The following TNNI3K variants were observed in gnomAD, a reference collection of about 807,000 sequenced individuals.
TNNI3K encodes TNNI3 interacting kinase.
Under a neutral mutation model 114.5 loss-of-function variants are expected in TNNI3K, and 140 were observed. The observed-to-expected ratio is 1.22, with a 90% CI of 1.07 to 1.41. TNNI3K has a LOEUF of 1.41. Among genes scored for constraint, TNNI3K ranks in the 40% most tolerant of loss-of-function variants. TNNI3K has a pLI of 0.00. For synonymous variants in TNNI3K, 347 were observed against 347.5 expected (o/e 1.00, Z 0.02); for missense variants, 1,125 against 1,007.6 (o/e 1.12, Z -1.58).
intron 5 of TNNI3K, among the ~76,000 whole-genome samples, chr1:74,319,225 A>C (rs1659478163): frequency 6.6e-6 from 1 of 152,186 alleles, no homozygotes; most frequent in African/African-American, 2.4e-5. Flanking sequence ...ACTTGCTGCT[A>C]TCCAGAGGCA....
chr1:74,398,751 A>C (rs1306607629), intron 17 of TNNI3K, among the ~76,000 whole-genome samples: 1 of 152,172 alleles, frequency 6.6e-6, no homozygotes, highest in Non-Finnish European at 1.5e-5. Flanking sequence ...GCTAAGAGGA[A>C]TTATGGAAGG....
At chr1:74,452,310 T>A (rs1450443710) in intron 20 of TNNI3K, among the ~76,000 whole-genome samples, 1 of 152,168 alleles carries the variant, frequency 6.6e-6, no homozygotes, top group African/African-American at 2.4e-5. Flanking sequence ...TCTCTGTAAC[T>A]GTAAGGTGCA....
At chr1:74,310,283 C>G (rs567777027) in intron 5 of TNNI3K, among the ~76,000 whole-genome samples, 1 of 152,214 alleles carries the variant, frequency 6.6e-6, no homozygotes, top group South Asian at 2.1e-4. Context: ...AAGATATCTA[C>G]AAGGATAACT....
At position 74,385,490 on chromosome 1, in the gene TNNI3K, A is replaced by G. The variant is rs545588369; in HGVS notation, c.1772+15098A>G. 5.3e-5 allele frequency among the ~76,000 whole-genome samples: 8 copies of G among 152,336 alleles called. No individual in the cohort carries two copies. The South Asian group carries it at 1.4e-3, about 28-fold the overall frequency. On this transcript the variant is annotated intron_variant, in intron 17 of 24. Coordinates refer to ENST00000326637, the MANE Select transcript of TNNI3K (RefSeq NM_015978.3). ...AATGTGAATTGGCACCTTTCCAATCATGAACAAAGGTATTTGTCCTTTTCA... is the reference window on the plus strand; with the variant it reads ...AATGTGAATTGGCACCTTTCCAATCGTGAACAAAGGTATTTGTCCTTTTCA...
At chr1:74,521,398 T>A (rs1045956163) in intron 23 of TNNI3K, among the ~76,000 whole-genome samples, 2 of 152,212 alleles carry the variant, frequency 1.3e-5, no homozygotes, top group South Asian at 4.1e-4. Context: ...ACCTGGCACA[T>A]AGTTACTGTT....
At chr1:74,296,002 G>A (rs1342308629) in intron 5 of TNNI3K, among the ~76,000 whole-genome samples, 3 of 152,032 alleles carry the variant, frequency 2.0e-5, no homozygotes, top group African/African-American at 7.2e-5. Context: ...TGGGCCGGGC[G>A]CCATGGCTCA....
At chr1:74,307,190 G>A (rs1392580377) in intron 5 of TNNI3K, among the ~76,000 whole-genome samples, 1 of 152,098 alleles carries the variant, frequency 6.6e-6, no homozygotes. Context: ...TAAGTACAAA[G>A]CCCACAAACC....
At chr1:74,236,073 A>T (rs748677044) in intron 1 of TNNI3K, 29 bp from the exon 2 acceptor site, 3 of 1,585,220 alleles carry the variant, frequency 1.9e-6, no homozygotes, top group Non-Finnish European at 2.6e-6. Flanking sequence ...CACAACTATG[A>T]ATCAATCTCA....
At chr1:74,415,109 T>A (rs1665055788) in intron 17 of TNNI3K, among the ~76,000 whole-genome samples, 1 of 152,186 alleles carries the variant, frequency 6.6e-6, no homozygotes, top group South Asian at 2.1e-4. Flanking sequence ...ATTTTGTTCC[T>A]GAACACTCTA....
Position 74,489,191 on chromosome 1 carries a change from A to G in TNNI3K, c.2124A>G (p.Gly708=), listed in dbSNP as rs200208779. ...LIRGWNACPE[G]RPEFSEVVMK... ...AAAGTTCTTTTTTCTATTTACAGGG[A>G]AGACCCGAATTTTCTGAAGTTGTCA... The change falls in exon 22 of 25, where the codon GGA becomes GGG. Residue 708 remains glycine, a splice_region_variant and synonymous_variant. Transcript: ENST00000326637. 4.3e-5 allele frequency: 69 copies of G among 1,610,756 alleles called. No homozygotes were observed. The highest frequency in any genetic ancestry group is 5.6e-5 in the Non-Finnish European group (66 of 1,178,654).
chr1:74,378,123 A>G (rs760475692), intron 17 of TNNI3K, among the ~76,000 whole-genome samples: 2 of 152,036 alleles, frequency 1.3e-5, no homozygotes, highest in African/African-American at 2.4e-5. Flanking sequence ...TATACAATGG[A>G]TGCCTTAGGG....
intron 21 of TNNI3K, among the ~76,000 whole-genome samples, chr1:74,465,500 GC>G (rs1667634694): frequency 6.6e-6 from 1 of 152,190 alleles, no homozygotes; most frequent in African/African-American, 2.4e-5. Context: ...TCCCCACACG[GC>G]AGGGCTTGGG....
At chr1:74,408,839 TA>T (rs1325876572) in intron 17 of TNNI3K, among the ~76,000 whole-genome samples, 1 of 152,192 alleles carries the variant, frequency 6.6e-6, no homozygotes, top group African/African-American at 2.4e-5. Flanking sequence ...TTTCATAACG[TA>T]GGTCTGTATA....
At chr1:74,335,299 A>G (rs1038803122) in intron 6 of TNNI3K, among the ~76,000 whole-genome samples, 8 of 152,174 alleles carry the variant, frequency 5.3e-5, no homozygotes, top group African/African-American at 9.6e-5. Flanking sequence ...ATCTAGGACT[A>G]TCTTAAACTG....
intron 5 of TNNI3K, among the ~76,000 whole-genome samples, chr1:74,328,882 T>C (rs928598413): frequency 1.3e-5 from 2 of 152,158 alleles, no homozygotes; most frequent in African/African-American, 4.8e-5. Flanking sequence ...CTTTATGCTA[T>C]ATTTAAAATA....
chr1:74,236,327 C>A, intron 2 of TNNI3K, 117 bp downstream of exon 2: 2 of 831,372 alleles, frequency 2.4e-6, no homozygotes, highest in Non-Finnish European at 3.6e-6. Flanking sequence ...CAGTCATGTT[C>A]TAAGCCTTAG....
At position 74,543,287 on chromosome 1, in the gene TNNI3K, T is replaced by A. The variant is rs1193395875; in HGVS notation, c.2432-619T>A. ...TGGGGTTTCACCATATTGACCAGGA[T>A]GGTCTCGATCTCCCGACCTCATGAT... is the stretch of plus-strand genomic sequence containing the variant. On this transcript the variant is annotated intron_variant, in intron 24 of 24. Coordinates refer to ENST00000326637, the MANE Select transcript of TNNI3K (RefSeq NM_015978.3). Among the ~76,000 whole-genome samples, 4 of 152,030 alleles carry A rather than the reference T, an allele frequency of 2.6e-5. No individual in the cohort carries two copies. The East Asian group carries it at 7.7e-4, about 29-fold the overall frequency.
chr1:74,529,385 C>T (rs922888211), intron 23 of TNNI3K, among the ~76,000 whole-genome samples: 2 of 152,084 alleles, frequency 1.3e-5, no homozygotes, highest in African/African-American at 4.8e-5. Context: ...AATTGAAGGA[C>T]ATTTTGCAAA....
intron 23 of TNNI3K, among the ~76,000 whole-genome samples, chr1:74,520,345 T>G (rs1424276189): frequency 6.6e-6 from 1 of 152,188 alleles, no homozygotes; most frequent in African/African-American, 2.4e-5. Context: ...CCGACTTTTC[T>G]GAAGAATTTG....
Sources: gnomAD v4.1 joint callset for allele counts (sites outside exome capture counted in the v4.1 genomes callset) on GRCh38, gnomAD v4.1.1 for gene constraint, MANE v1.5 for transcripts, NCBI Gene and HGNC (gene_info 2026-07-23, HGNC 2026-07-21) for gene names.